Variants in RHOBTB1 observed in about 807,000 individuals in gnomAD.
RHOBTB1 encodes Rho related BTB domain containing 1.
RHOBTB1 carries 40 observed loss-of-function variants against 71.6 expected under a neutral mutation model. That is an observed-to-expected ratio of 0.56 (90% CI 0.43 to 0.73). The LOEUF is 0.73. Among genes scored for constraint, RHOBTB1 ranks in the 30% least tolerant of loss-of-function variants. The pLI, the probability that RHOBTB1 is intolerant of heterozygous loss-of-function variation, is 0.00. For synonymous variants in RHOBTB1, 319 were observed against 334.9 expected, an observed-to-expected ratio of 0.95 and a Z score of 0.52; for missense variants, 797 against 894.0, an observed-to-expected ratio of 0.89 and a Z score of 1.38.
intron 7 of RHOBTB1, among the ~76,000 whole-genome samples, chr10:60,880,496 T>C (rs2081282321): frequency 6.6e-6 from 1 of 152,054 alleles, no homozygotes; most frequent in Non-Finnish European, 1.5e-5. Flanking sequence ...CTAGAAATAA[T>C]AAGAAATTTA....
upstream of RHOBTB1, chr10:61,001,448 C>G (rs1056854233): frequency 6.6e-6 from 1 of 151,464 alleles, no homozygotes; most frequent in South Asian, 2.1e-4. Context: ...GCCGGGCGGC[C>G]GAGGCTGGCG....
intron 7 of RHOBTB1, 55 bp from the exon 8 acceptor site, chr10:60,878,113 A>T: frequency 7.1e-7 from 1 of 1,417,286 alleles, no homozygotes; most frequent in Non-Finnish European, 9.9e-7. Context: ...GAGTGGGCAC[A>T]TTTTCAGGCT....
intron 2 of RHOBTB1, among the ~76,000 whole-genome samples, chr10:60,976,490 C>G (rs2086320293): frequency 6.6e-6 from 1 of 151,844 alleles, no homozygotes; most frequent in African/African-American, 2.4e-5. Context: ...GAAGTACAGC[C>G]CCGTCTTGTT....
At chr10:60,990,403 A>T (rs1439265588) in intron 1 of RHOBTB1, among the ~76,000 whole-genome samples, 1 of 152,190 alleles carries the variant, frequency 6.6e-6, no homozygotes, top group Non-Finnish European at 1.5e-5. Context: ...TTTGAGACAG[A>T]TGCAAGACAT....
intron 2 of RHOBTB1, among the ~76,000 whole-genome samples, chr10:60,977,062 T>C (rs1342543172): frequency 1.3e-5 from 2 of 152,060 alleles, no homozygotes; most frequent in Non-Finnish European, 2.9e-5. Flanking sequence ...TTATATATTA[T>C]AAATTGTCAT....
chr10:60,949,006 G>A, upstream of RHOBTB1, among the ~76,000 whole-genome samples: 1 of 152,174 alleles, frequency 6.6e-6, no homozygotes, highest in African/African-American at 2.4e-5. Flanking sequence ...GGTCAGTCTG[G>A]ACAGCACAGG....
chr10:61,000,909 C>CGGGCAT (rs2087240066), intron 1 of RHOBTB1, among the ~76,000 whole-genome samples: 1 of 152,154 alleles, frequency 6.6e-6, no homozygotes, highest in Non-Finnish European at 1.5e-5. Context: ...ACCTTAGGGC[C>CGGGCAT]GGGCATGAGG....
intron 4 of RHOBTB1, among the ~76,000 whole-genome samples, chr10:60,895,673 G>A (rs2082129901): frequency 1.3e-5 from 2 of 152,184 alleles, no homozygotes; most frequent in Non-Finnish European, 2.9e-5. Flanking sequence ...CAAAGTGCTG[G>A]GATTACAGGC....
chr10:60,999,355 T>G (rs535999369), intron 1 of RHOBTB1, among the ~76,000 whole-genome samples: 8 of 152,340 alleles, frequency 5.3e-5, no homozygotes, highest in African/African-American at 1.9e-4. Context: ...TAGAGTTGTC[T>G]ACCTAAAACA....
intron 2 of RHOBTB1, among the ~76,000 whole-genome samples, chr10:60,924,234 C>T (rs1290666679): frequency 6.7e-6 from 1 of 149,978 alleles, no homozygotes; most frequent in Non-Finnish European, 1.5e-5. Context: ...AATAATGATA[C>T]GAATGACTAT....
At chr10:60,875,970 A>G (rs181111629) in intron 8 of RHOBTB1, among the ~76,000 whole-genome samples, 42 of 152,312 alleles carry the variant, frequency 2.8e-4, no homozygotes, top group African/African-American at 9.6e-4. Flanking sequence ...AATCCAGCAC[A>G]TTGTCCAAAT....
At chr10:60,939,277 C>T (rs1406260401) in intron 2 of RHOBTB1, among the ~76,000 whole-genome samples, 4 of 152,178 alleles carry the variant, frequency 2.6e-5, no homozygotes, top group African/African-American at 9.7e-5. Context: ...CTCACACACA[C>T]ATCCATCATT....
chr10:60,884,455 C>T (rs2081473060), intron 7 of RHOBTB1, among the ~76,000 whole-genome samples: 1 of 152,138 alleles, frequency 6.6e-6, no homozygotes, highest in Non-Finnish European at 1.5e-5. Context: ...AAAATGCTTG[C>T]TCACTCCTAA....
intron 1 of RHOBTB1, among the ~76,000 whole-genome samples, chr10:60,987,919 C>CTTTTTTTT (rs71018937): frequency 1.9e-5 from 1 of 53,738 alleles, no homozygotes; most frequent in African/African-American, 7.3e-5. Context: ...AAATACTCAA[C>CTTTTTTTT]TTTTTTTTTT....
intron 2 of RHOBTB1, among the ~76,000 whole-genome samples, chr10:60,937,884 C>T (rs957854): frequency 0.58 from 88,810 of 152,044 alleles, 26,442 homozygotes; most frequent in East Asian, 0.78. Context: ...CTAACCCTTA[C>T]TGAGCACCTA....
chr10:60,925,023 T>C lies in RHOBTB1; in HGVS notation c.-10-13471A>G, dbSNP rs117521786. Among the ~76,000 whole-genome samples, 1,292 of 152,330 alleles carry C rather than the reference T, an allele frequency of 8.5e-3. 11 individuals carry two copies. The highest frequency in any genetic ancestry group is 0.034 in the Middle Eastern group (10 of 294). Reference sequence around the variant, plus strand: ...ATGGCTTGAGCCATCCTCTTGGTGATAAGTGAACTCTTGCTCTCAGTTCAC... The same window carrying C: ...ATGGCTTGAGCCATCCTCTTGGTGACAAGTGAACTCTTGCTCTCAGTTCAC... On this transcript the variant is annotated intron_variant, in intron 2 of 10. Transcript: ENST00000337910.
rs142258251 is a variant in RHOBTB1 at position 60,986,941 on chromosome 10, G to T, written c.-162-996C>A. ...GTCATTTTCTCAACAGTAAGGAGGA[G>T]TTTCTGAAGGAAATTGTTGATTGCC... On this transcript the variant is annotated intron_variant, in intron 1 of 11. Transcript: ENST00000357917. 4.5e-4 allele frequency among the ~76,000 whole-genome samples: 68 copies of T among 152,306 alleles called. No homozygotes were observed. In the East Asian group the frequency reaches 0.013, roughly 29 times the overall value.
chr10:60,915,641 G>A (rs1233308126), intron 2 of RHOBTB1, among the ~76,000 whole-genome samples: 1 of 152,160 alleles, frequency 6.6e-6, no homozygotes, highest in African/African-American at 2.4e-5. Context: ...AGTGCAGGTG[G>A]GGAAGTGAAG....
rs79344944 is a variant in RHOBTB1, at chr10:60,965,019, T to C, written c.-62+20826A>G. Among the ~76,000 whole-genome samples, 238 of 152,212 alleles carry C rather than the reference T, an allele frequency of 1.6e-3. 6 individuals are homozygous for C. The East Asian group carries it at 0.039, about 25-fold the overall frequency. On this transcript the variant is annotated intron_variant, in intron 2 of 11. Coordinates refer to the RHOBTB1 transcript ENST00000357917. The stretch of plus-strand genomic sequence containing the variant: ...AAACCCTCTGCCTTTGGGAGAGAAT[T>C]TCACAACTTTAGGGTGATAGGAAGA...
Sources: allele counts gnomAD v4.1 joint callset (sites outside exome capture counted in the v4.1 genomes callset), GRCh38; gene constraint gnomAD v4.1.1; transcripts MANE v1.5; gene names NCBI Gene and HGNC (gene_info 2026-07-23, HGNC 2026-07-21).